Variants in NLGN1 observed in about 807,000 individuals in gnomAD.
NLGN1 encodes neuroligin-1.
A neutral mutation model predicts 65.5 loss-of-function variants in NLGN1; 12 were observed. The observed-to-expected ratio is 0.18, with a 90% CI of 0.12 to 0.30. The LOEUF (loss-of-function observed/expected upper bound fraction) is 0.30. Ranked by LOEUF, NLGN1 falls within the 10% of genes least tolerant of loss-of-function variation. The pLI, the probability that NLGN1 is intolerant of heterozygous loss-of-function variation, is 1.00. For missense variants in NLGN1, 750 were observed against 1,007.1 expected, an observed-to-expected ratio of 0.74 and a Z score of 3.46; for synonymous variants, 350 against 359.5, an observed-to-expected ratio of 0.97 and a Z score of 0.30.
At chr3:173,726,714 G>A (rs940820139) in intron 3 of NLGN1, among the ~76,000 whole-genome samples, 1 of 152,112 alleles carries the variant, frequency 6.6e-6, no homozygotes. Flanking sequence ...CATCAAGGGA[G>A]CCATAAATAG....
At chr3:173,678,609 G>C (rs570593807) in intron 3 of NLGN1, among the ~76,000 whole-genome samples, 1 of 152,174 alleles carries the variant, frequency 6.6e-6, no homozygotes, top group African/African-American at 2.4e-5. Flanking sequence ...CGACTATAAA[G>C]TAAAGAAGTT....
intron 4 of NLGN1, among the ~76,000 whole-genome samples, chr3:174,193,194 A>C (rs1732718390): frequency 6.6e-6 from 1 of 152,214 alleles, no homozygotes; most frequent in Non-Finnish European, 1.5e-5. Flanking sequence ...AGTTTTAAAA[A>C]GTTTACTAGA....
At chr3:174,264,150 C>CA (rs1377423731) in intron 4 of NLGN1, among the ~76,000 whole-genome samples, 2 of 145,278 alleles carry the variant, frequency 1.4e-5, no homozygotes, top group Non-Finnish European at 3.0e-5. Flanking sequence ...GTGAATCTGA[C>CA]AATTATGTGT....
At chr3:174,141,456 T>G (rs184067740) in intron 4 of NLGN1, among the ~76,000 whole-genome samples, 6 of 152,238 alleles carry the variant, frequency 3.9e-5, no homozygotes, top group Non-Finnish European at 7.4e-5. Flanking sequence ...AGTGGGTGCA[T>G]GTATGGGAAA....
chr3:173,821,901 A>G (rs1013195700), intron 4 of NLGN1, among the ~76,000 whole-genome samples: 1 of 152,184 alleles, frequency 6.6e-6, no homozygotes, highest in African/African-American at 2.4e-5. Context: ...AGCATATACA[A>G]TAACATTATG....
rs774295168 is a variant in NLGN1 at position 173,562,087 on chromosome 3, C to T, written c.-320-42192C>T. Among the ~76,000 whole-genome samples, 5 of 151,980 alleles carry T rather than the reference C, an allele frequency of 3.3e-5. No individual in the cohort carries two copies. In the South Asian group the frequency reaches 6.2e-4, roughly 19 times the overall value. The stretch of plus-strand genomic sequence containing the variant: ...AAGACATTTTAGACAGCAAGAATAA[C>T]GTGAGCCAAAAAATAAAGGAGAGCC... On this transcript the variant is annotated intron_variant, in intron 2 of 6. Coordinates refer to ENST00000457714, the Ensembl canonical transcript of NLGN1.
intron 3 of NLGN1, among the ~76,000 whole-genome samples, chr3:173,754,157 G>A (rs910427141): frequency 4.6e-5 from 7 of 150,574 alleles, no homozygotes; most frequent in Admixed American, 1.3e-4. Context: ...GGCGATCCTC[G>A]CACCTCAGCT....
At chr3:174,230,483 T>C (rs1245860836) in intron 4 of NLGN1, among the ~76,000 whole-genome samples, 1 of 152,188 alleles carries the variant, frequency 6.6e-6, no homozygotes, top group East Asian at 1.9e-4. Context: ...GTTGTAATAT[T>C]TACCTATCTT....
At chr3:173,555,102 T>C (rs1404055542) in intron 2 of NLGN1, among the ~76,000 whole-genome samples, 1 of 152,228 alleles carries the variant, frequency 6.6e-6, no homozygotes, top group Non-Finnish European at 1.5e-5. Context: ...TATTGAGCTG[T>C]TTAGCTATGT....
chr3:173,609,536 CTCCT>C (rs1751948730), intron 3 of NLGN1, among the ~76,000 whole-genome samples: 1 of 151,874 alleles, frequency 6.6e-6, no homozygotes, highest in Non-Finnish European at 1.5e-5. Flanking sequence ...ATAACAATGA[CTCCT>C]AGTACTGTCA....
chr3:173,669,991 A>T (rs1229166534), intron 3 of NLGN1, among the ~76,000 whole-genome samples: 1 of 152,250 alleles, frequency 6.6e-6, no homozygotes, highest in Non-Finnish European at 1.5e-5. Flanking sequence ...AGGAATATGC[A>T]TGTCTGAAAT....
chr3:174,077,569 AT>A (rs140048959), intron 4 of NLGN1, among the ~76,000 whole-genome samples: 3 of 151,040 alleles, frequency 2.0e-5, no homozygotes, highest in African/African-American at 4.9e-5. Context: ...TTATTTATTT[AT>A]TTTTTTTGAG....
At chr3:173,422,485 C>A (rs2148702340) in intron 1 of NLGN1, among the ~76,000 whole-genome samples, 1 of 152,246 alleles carries the variant, frequency 6.6e-6, no homozygotes, top group South Asian at 2.1e-4. Context: ...TTTGGATATA[C>A]CCAGCAGTAA....
chr3:173,572,157 G>T (rs562851691), intron 2 of NLGN1, among the ~76,000 whole-genome samples: 2 of 152,294 alleles, frequency 1.3e-5, no homozygotes, highest in African/African-American at 4.8e-5. Context: ...CTGGATCCCT[G>T]TTCTTAACCC....
At chr3:173,954,340 C>A (rs148180589) in intron 4 of NLGN1, among the ~76,000 whole-genome samples, 1 of 151,984 alleles carries the variant, frequency 6.6e-6, no homozygotes, top group East Asian at 1.9e-4. Flanking sequence ...CTAAGAAAAT[C>A]TTTCTAAATT....
chr3:174,065,132 AAAT>A (rs1243448772), intron 4 of NLGN1, among the ~76,000 whole-genome samples: 12 of 152,116 alleles, frequency 7.9e-5, no homozygotes, highest in African/African-American at 2.6e-4. Flanking sequence ...ATCTGTTTTA[AAAT>A]AATAATATGT....
At chr3:173,881,272 T>A (rs1015610658) in intron 4 of NLGN1, among the ~76,000 whole-genome samples, 1 of 150,210 alleles carries the variant, frequency 6.7e-6, no homozygotes, top group Non-Finnish European at 1.5e-5. Flanking sequence ...CTAATTTTTG[T>A]ATTTTTGCTA....
At chr3:173,496,325 G>A (rs1730021633) in intron 2 of NLGN1, among the ~76,000 whole-genome samples, 1 of 151,710 alleles carries the variant, frequency 6.6e-6, no homozygotes, top group South Asian at 2.1e-4. Flanking sequence ...TAGGATACTG[G>A]GGACAGGTGA....
intron 4 of NLGN1, among the ~76,000 whole-genome samples, chr3:174,121,367 G>A (rs1005255285): frequency 1.3e-5 from 2 of 152,184 alleles, no homozygotes; most frequent in African/African-American, 4.8e-5. Flanking sequence ...TGAGATTACT[G>A]ACCAGACACA....
Sources: allele counts gnomAD v4.1 joint callset (sites outside exome capture counted in the v4.1 genomes callset), GRCh38; gene constraint gnomAD v4.1.1; transcripts MANE v1.5; gene names NCBI Gene and HGNC (gene_info 2026-07-23, HGNC 2026-07-21).